The following ADGRL2 variants were observed in gnomAD, a reference collection of about 807,000 sequenced individuals.
The protein encoded by ADGRL2 is adhesion G protein-coupled receptor L2.
ADGRL2 carries 44 observed loss-of-function variants against 157.4 expected under a neutral mutation model. The ratio of observed to expected loss-of-function variants is 0.28; its 90% CI spans 0.22 to 0.36. The LOEUF (loss-of-function observed/expected upper bound fraction) is 0.36, where lower values mean the gene tolerates loss of function less well. ADGRL2 is among the 10% of genes least tolerant of loss of function. ADGRL2 has a pLI of 1.00. For synonymous variants in ADGRL2, 585 were observed against 624.7 expected (o/e 0.94, Z 0.95); for missense variants, 1,510 against 1,768.9 (o/e 0.85, Z 2.63).
chr1:81,966,738 T>G, intron 13 of ADGRL2, 129 bp downstream of exon 13: 4 of 756,584 alleles, frequency 5.3e-6, no homozygotes, highest in Non-Finnish European at 9.0e-6. Context: ...GACCTTTCCA[T>G]TTGAATTTTA....
intron 3 of ADGRL2, among the ~76,000 whole-genome samples, chr1:81,596,744 G>T (rs1049635494): frequency 6.6e-6 from 1 of 151,364 alleles, no homozygotes. Flanking sequence ...AGAAACTTTT[G>T]GCACAACGAA....
At chr1:81,888,247 A>G (rs1374760765) in intron 2 of ADGRL2, among the ~76,000 whole-genome samples, 1 of 152,170 alleles carries the variant, frequency 6.6e-6, no homozygotes, top group Non-Finnish European at 1.5e-5. Context: ...CTCTTTATCA[A>G]AAGCTTGACA....
intron 2 of ADGRL2, among the ~76,000 whole-genome samples, chr1:81,480,928 C>T (rs2078373233): frequency 1.3e-5 from 2 of 152,116 alleles, no homozygotes; most frequent in Admixed American, 6.6e-5. Context: ...AGAAATTCTC[C>T]TGAACGTCTG....
chr1:81,626,274 T>A (rs2081906702), intron 3 of ADGRL2, among the ~76,000 whole-genome samples: 1 of 152,042 alleles, frequency 6.6e-6, no homozygotes. Context: ...TACCAATCAG[T>A]GAACATGAAC....
Position 81,474,578 on chromosome 1 carries a change from G to T in ADGRL2, c.-248+29489G>T, listed in dbSNP as rs983890929. ...TGAGCATGAAGTAGCTGGTACATAA[G>T]GGGAGGGATTGCTGGTCAGTTCAGC... On this transcript the variant is annotated intron_variant, in intron 2 of 24. Coordinates refer to the ADGRL2 transcript ENST00000370721. 6.4e-4 allele frequency among the ~76,000 whole-genome samples: 98 copies of T among 152,172 alleles called. 5 individuals are homozygous for T. The highest frequency in any genetic ancestry group is 5.9e-5 in the Non-Finnish European group (4 of 68,016).
intron 2 of ADGRL2, among the ~76,000 whole-genome samples, chr1:81,862,000 G>A (rs763597030): frequency 2.0e-5 from 3 of 151,966 alleles, no homozygotes; most frequent in East Asian, 1.9e-4. Flanking sequence ...AATTACATCC[G>A]TCTTTTTTGT....
At chr1:81,509,911 G>C (rs1318008225) in intron 2 of ADGRL2, among the ~76,000 whole-genome samples, 1 of 152,180 alleles carries the variant, frequency 6.6e-6, no homozygotes, top group Non-Finnish European at 1.5e-5. Context: ...TTGCGAGTCT[G>C]CCCAACAGAG....
intron 1 of ADGRL2, among the ~76,000 whole-genome samples, chr1:81,390,625 C>T (rs1026587256): frequency 2.0e-5 from 3 of 152,310 alleles, no homozygotes; most frequent in South Asian, 2.1e-4. Context: ...TTTTTCCATA[C>T]CTATCCTAAT....
At chr1:81,604,341 TCA>T (rs2081391073) in intron 3 of ADGRL2, among the ~76,000 whole-genome samples, 1 of 152,046 alleles carries the variant, frequency 6.6e-6, no homozygotes, top group African/African-American at 2.4e-5. Flanking sequence ...CTGGAGCTCC[TCA>T]TCCTCGTTTC....
chr1:81,446,759 T>C (rs953767270), intron 2 of ADGRL2, among the ~76,000 whole-genome samples: 1 of 152,218 alleles, frequency 6.6e-6, no homozygotes, highest in Non-Finnish European at 1.5e-5. Context: ...TATTTACACT[T>C]ACATAGTAAT....
intron 2 of ADGRL2, among the ~76,000 whole-genome samples, chr1:81,843,425 C>T (rs890820473): frequency 6.6e-6 from 1 of 151,980 alleles, no homozygotes; most frequent in African/African-American, 2.4e-5. Flanking sequence ...ACCACTGTGC[C>T]CGGCCAAAAA....
At position 81,541,019 on chromosome 1, in the gene ADGRL2, G is replaced by A. The variant is rs548648094; in HGVS notation, c.-247-39857G>A. 3.9e-5 allele frequency among the ~76,000 whole-genome samples: 6 copies of A among 152,216 alleles called. No individual in the cohort carries two copies. The East Asian group carries it at 7.7e-4, about 20-fold the overall frequency. The stretch of plus-strand genomic sequence containing the variant: ...AACAATCACATTCTGAGGTCCTACC[G>A]TATGTCCAGATGGAAGTGTAAAGGT... On this transcript the variant is annotated intron_variant, in intron 2 of 24. Transcript: ENST00000370721.
intron 1 of ADGRL2, among the ~76,000 whole-genome samples, chr1:81,707,439 T>C (rs551794313): frequency 1.4e-4 from 21 of 152,348 alleles, no homozygotes; most frequent in African/African-American, 4.8e-4. Context: ...GAAAAGGCCT[T>C]GATGATAATC....
At chr1:81,882,405 CT>C (rs998797227) in intron 2 of ADGRL2, among the ~76,000 whole-genome samples, 3 of 151,990 alleles carry the variant, frequency 2.0e-5, no homozygotes, top group African/African-American at 7.2e-5. Flanking sequence ...AGTAAAAAAC[CT>C]TTTTTTAAAC....
intron 3 of ADGRL2, among the ~76,000 whole-genome samples, chr1:81,657,662 A>C (rs1317200753): frequency 2.0e-5 from 3 of 152,102 alleles, no homozygotes; most frequent in African/African-American, 7.2e-5. Context: ...TTTTAGAAGT[A>C]TTACTATGGA....
intron 11 of ADGRL2, among the ~76,000 whole-genome samples, chr1:81,957,708 C>CA (rs1209793979): frequency 4.0e-5 from 6 of 151,346 alleles, no homozygotes; most frequent in Non-Finnish European, 8.8e-5. Context: ...GACCCCATCT[C>CA]AAAAAAATAA....
At chr1:81,506,358 G>A (rs1238196268) in intron 2 of ADGRL2, 1 of 151,972 alleles carries the variant, frequency 6.6e-6, no homozygotes, top group African/African-American at 2.4e-5. Flanking sequence ...TGGAGGGGTA[G>A]AGGGAAAAAA....
At chr1:81,314,293 G>A (rs948564594) in intron 1 of ADGRL2, among the ~76,000 whole-genome samples, 1 of 152,152 alleles carries the variant, frequency 6.6e-6, no homozygotes, top group African/African-American at 2.4e-5. Flanking sequence ...CATGTGTGAT[G>A]TACTTATATT....
chr1:81,819,492 AT>A (rs1203942473), intron 1 of ADGRL2, among the ~76,000 whole-genome samples: 2 of 152,016 alleles, frequency 1.3e-5, no homozygotes, highest in African/African-American at 4.8e-5. Context: ...AAAAAAATAT[AT>A]TTTTTCTTCC....
Sources: allele counts gnomAD v4.1 joint callset (sites outside exome capture counted in the v4.1 genomes callset), GRCh38; gene constraint gnomAD v4.1.1; transcripts MANE v1.5; gene names NCBI Gene and HGNC (gene_info 2026-07-23, HGNC 2026-07-21).